Variants in AP2B1 observed in about 807,000 individuals in gnomAD.
AP2B1 encodes adaptor related protein complex 2 subunit beta 1, also known as AP-2 complex subunit beta.
A neutral mutation model predicts 102.0 loss-of-function variants in AP2B1; 23 were observed. That is an observed-to-expected ratio of 0.23 (90% CI 0.16 to 0.32). AP2B1 has a LOEUF of 0.32. AP2B1 is among the 10% of genes least tolerant of loss of function. AP2B1 has a pLI of 1.00. For missense variants in AP2B1, 541 were observed against 1,157.4 expected (o/e 0.47, Z 7.73); for synonymous variants, 381 against 421.2 (o/e 0.90, Z 1.17).
At chr17:35,647,974 C>T (rs1761631821) in intron 12 of AP2B1, among the ~76,000 whole-genome samples, 1 of 151,628 alleles carries the variant, frequency 6.6e-6, no homozygotes, top group African/African-American at 2.4e-5. Context: ...TCAATGCAAC[C>T]TCCACCTCCT....
intron 5 of AP2B1, among the ~76,000 whole-genome samples, chr17:35,617,633 G>A (rs951408830): frequency 1.1e-4 from 17 of 152,124 alleles, no homozygotes; most frequent in African/African-American, 3.9e-4. Flanking sequence ...GTTCTCAACA[G>A]CAACTTCCTG....
At chr17:35,614,155 C>T (rs768387018) in intron 5 of AP2B1, among the ~76,000 whole-genome samples, 23 of 152,012 alleles carry the variant, frequency 1.5e-4, no homozygotes, top group Non-Finnish European at 2.5e-4. Context: ...TTGACAGCCC[C>T]ACCATATGTG....
intron 19 of AP2B1, among the ~76,000 whole-genome samples, chr17:35,709,975 C>G (rs1487977428): frequency 1.3e-5 from 2 of 152,172 alleles, no homozygotes; most frequent in African/African-American, 4.8e-5. Flanking sequence ...GGTCATAAGT[C>G]ACCAAAATAG....
At position 35,638,673 on chromosome 17, in the gene AP2B1, C is replaced by G. The variant is rs1018641082; in HGVS notation, c.1272-922C>G. 2.0e-5 allele frequency among the ~76,000 whole-genome samples: 3 copies of G among 151,748 alleles called. 1 individual carries two copies. In the South Asian group the frequency reaches 6.2e-4, roughly 32 times the overall value. ...GCGTGGTGGCGGGCACCTGTAGTCC[C>G]AGCTACTCGGGAGGCTGAGGCAGGA... On this transcript the variant is annotated intron_variant, in intron 10 of 21. Transcript: ENST00000610402.
At chr17:35,637,902 CTCGAACT>C (rs541790151) in intron 10 of AP2B1, among the ~76,000 whole-genome samples, 2 of 152,190 alleles carry the variant, frequency 1.3e-5, no homozygotes, top group East Asian at 3.9e-4. Context: ...CCAGGCTGGT[CTCGAACT>C]TCTGACCTCA....
intron 5 of AP2B1, among the ~76,000 whole-genome samples, chr17:35,608,723 G>T (rs1418716791): frequency 3.9e-5 from 6 of 152,096 alleles, no homozygotes; most frequent in African/African-American, 1.4e-4. Flanking sequence ...ATCAATATTT[G>T]TGGTATTTTC....
Position 35,616,365 on chromosome 17 carries a change from T to G in AP2B1, c.525+7978T>G, listed in dbSNP as rs540532788. 4.7e-4 allele frequency among the ~76,000 whole-genome samples: 71 copies of G among 152,022 alleles called. 2 individuals carry two copies. The South Asian group carries it at 0.014, about 29-fold the overall frequency. ...GTATTTTTAGTAGAGACGGGGGGTTTCACCGTGTTAGTCAGGATGGTCTCA... is the reference window on the plus strand; with the variant it reads ...GTATTTTTAGTAGAGACGGGGGGTTGCACCGTGTTAGTCAGGATGGTCTCA... On this transcript the variant is annotated intron_variant, in intron 5 of 21. Coordinates refer to ENST00000610402, the MANE Select transcript of AP2B1 (RefSeq NM_001030006.2).
chr17:35,628,760 T>C (rs2142589640), intron 9 of AP2B1, among the ~76,000 whole-genome samples: 1 of 152,232 alleles, frequency 6.6e-6, no homozygotes, highest in East Asian at 1.9e-4. Context: ...CCAGTGTAGT[T>C]ACATAATGAA....
At chr17:35,702,907 C>T (rs759189363) in intron 18 of AP2B1, among the ~76,000 whole-genome samples, 5 of 152,130 alleles carry the variant, frequency 3.3e-5, no homozygotes, top group Non-Finnish European at 5.9e-5. Flanking sequence ...GAGAAAAACA[C>T]AACACTTATA....
chr17:35,649,391 G>A (rs2075028510), intron 12 of AP2B1, among the ~76,000 whole-genome samples: 1 of 151,896 alleles, frequency 6.6e-6, no homozygotes, highest in Non-Finnish European at 1.5e-5. Flanking sequence ...ACCTCAGCCT[G>A]TTGAGTAGCT....
intron 20 of AP2B1, among the ~76,000 whole-genome samples, chr17:35,711,156 T>G (rs2076439014): frequency 6.6e-6 from 1 of 152,188 alleles, no homozygotes; most frequent in Admixed American, 6.5e-5. Context: ...GAGTCCTGCC[T>G]TTGTTTCACT....
At chr17:35,712,561 G>A (rs771811909) in intron 20 of AP2B1, among the ~76,000 whole-genome samples, 13 of 152,032 alleles carry the variant, frequency 8.6e-5, no homozygotes, top group African/African-American at 1.9e-4. Context: ...TCCAGGAGGC[G>A]GAGCTTGCAG....
At chr17:35,673,393 T>C (rs900526511) in intron 16 of AP2B1, among the ~76,000 whole-genome samples, 1 of 152,020 alleles carries the variant, frequency 6.6e-6, no homozygotes, top group Admixed American at 6.6e-5. Context: ...TTCACTATGT[T>C]AGCCAGGATG....
At chr17:35,698,660 T>G (rs2076185032) in intron 18 of AP2B1, among the ~76,000 whole-genome samples, 1 of 152,202 alleles carries the variant, frequency 6.6e-6, no homozygotes, top group South Asian at 2.1e-4. Flanking sequence ...GGGCTACTTT[T>G]TCTATCCTCC....
intron 9 of AP2B1, among the ~76,000 whole-genome samples, chr17:35,635,381 G>A (rs941634496): frequency 1.6e-5 from 2 of 124,818 alleles, no homozygotes; most frequent in Non-Finnish European, 3.9e-5. Flanking sequence ...GTTTTGCTTT[G>A]TTTTGTTTTG....
chr17:35,643,043 T>G (rs2074827818), intron 12 of AP2B1, among the ~76,000 whole-genome samples: 1 of 149,774 alleles, frequency 6.7e-6, no homozygotes, highest in African/African-American at 2.4e-5. Context: ...TTTTTTTTTG[T>G]ACTCTGTTTC....
At chr17:35,597,107 G>A (rs369467129) in intron 2 of AP2B1, 33 of 527,648 alleles carry the variant, frequency 6.3e-5, no homozygotes, top group African/African-American at 6.1e-4. Context: ...TGAGGCAGCA[G>A]TAGCGACCTC....
chr17:35,616,589 G>A (rs1432320417), intron 5 of AP2B1, among the ~76,000 whole-genome samples: 4 of 152,068 alleles, frequency 2.6e-5, no homozygotes, highest in African/African-American at 9.7e-5. Flanking sequence ...ACGTAACCGT[G>A]GTACATTTGC....
At chr17:35,632,173 G>A (rs1009674816) in intron 9 of AP2B1, among the ~76,000 whole-genome samples, 4 of 150,690 alleles carry the variant, frequency 2.7e-5, no homozygotes, top group Non-Finnish European at 1.5e-5. Flanking sequence ...TTGACTTGTC[G>A]CCCAGGCTGG....
Sources: gnomAD v4.1 joint callset for allele counts (sites outside exome capture counted in the v4.1 genomes callset) on GRCh38, gnomAD v4.1.1 for gene constraint, MANE v1.5 for transcripts, NCBI Gene and HGNC (gene_info 2026-07-23, HGNC 2026-07-21) for gene names.